EPHA5: variants seen among roughly 807,000 people sequenced by gnomAD.
EPHA5 encodes ephrin type-A receptor 5.
EPHA5 carries 60 observed loss-of-function variants against 105.0 expected under a neutral mutation model. That is an observed-to-expected ratio of 0.57 (90% CI 0.46 to 0.71). The LOEUF is 0.71. EPHA5 is among the 30% of genes least tolerant of loss of function. The probability of loss-of-function intolerance (pLI) is 0.00; values close to 1 mark genes in which losing one functional copy is unlikely to be tolerated. For missense variants in EPHA5, 1,218 were observed against 1,274.7 expected, an observed-to-expected ratio of 0.96 and a Z score of 0.68; for synonymous variants, 513 against 449.1, an observed-to-expected ratio of 1.14 and a Z score of -1.80.
intron 5 of EPHA5, among the ~76,000 whole-genome samples, chr4:65,454,117 C>T (rs927668789): frequency 1.4e-4 from 21 of 152,150 alleles, no homozygotes; most frequent in Admixed American, 6.5e-4. Context: ...CCCGTCTCTA[C>T]TAAAAATACA....
At chr4:65,398,906 A>G (rs764619029) in intron 8 of EPHA5, among the ~76,000 whole-genome samples, 21 of 152,150 alleles carry the variant, frequency 1.4e-4, no homozygotes, top group Non-Finnish European at 2.8e-4. Context: ...TGCTCATTCT[A>G]CAGTTGTCCA....
chr4:65,572,392 A>G (rs966658188), intron 3 of EPHA5, among the ~76,000 whole-genome samples: 8 of 152,164 alleles, frequency 5.3e-5, no homozygotes, highest in Admixed American at 4.6e-4. Context: ...CATGCTAGTG[A>G]TGATTATATG....
At chr4:65,498,598 G>A (rs541764089) in intron 3 of EPHA5, among the ~76,000 whole-genome samples, 9 of 151,678 alleles carry the variant, frequency 5.9e-5, no homozygotes, top group African/African-American at 2.2e-4. Context: ...ATGAGAATGG[G>A]GTAAAATCAA....
intron 8 of EPHA5, among the ~76,000 whole-genome samples, chr4:65,400,498 T>C (rs1453386030): frequency 6.6e-6 from 1 of 152,148 alleles, no homozygotes; most frequent in Non-Finnish European, 1.5e-5. Context: ...AATTCTAACA[T>C]GTTATACTTC....
rs1750307792 is a variant in EPHA5 at position 65,669,789 on chromosome 4, A to G, written c.-47T>C. ...GCCGCTGTCCCGAGCGGCTCAGTCC[A>G]CCGCTTCGGCCTCGCAGAGCGGCGA... On this transcript the variant is annotated 5_prime_UTR_variant, in exon 1 of 17. Coordinates refer to ENST00000613740, the MANE Select transcript of EPHA5 (RefSeq NM_001281766.3). 2.4e-6 allele frequency: 3 copies of G among 1,236,384 alleles called. No homozygotes were observed. The highest frequency in any genetic ancestry group is 4.2e-5 in the Admixed American group (1 of 23,734). 76.6% of individuals were successfully genotyped at this position (1,236,384 alleles called of 1,614,324 possible). A position where few individuals can be genotyped will look rare whatever the true frequency, so the allele number is the denominator to read the frequency against.
At chr4:65,493,066 C>A (rs193012033) in intron 4 of EPHA5, among the ~76,000 whole-genome samples, 5 of 151,756 alleles carry the variant, frequency 3.3e-5, no homozygotes, top group Admixed American at 3.3e-4. Context: ...AATGCATCAG[C>A]AGCTGAATCC....
chr4:65,430,734 T>C (rs1051207928), intron 5 of EPHA5, among the ~76,000 whole-genome samples: 3 of 152,092 alleles, frequency 2.0e-5, no homozygotes, highest in African/African-American at 7.2e-5. Context: ...TATTATTCCA[T>C]AGAATAATGA....
chr4:65,504,144 T>C (rs1042869612), intron 3 of EPHA5, among the ~76,000 whole-genome samples: 1 of 151,540 alleles, frequency 6.6e-6, no homozygotes, highest in Non-Finnish European at 1.5e-5. Context: ...TATAGAAGTG[T>C]TTTATCACAT....
At chr4:65,609,418 T>C (rs1744553656) in intron 2 of EPHA5, among the ~76,000 whole-genome samples, 1 of 152,160 alleles carries the variant, frequency 6.6e-6, no homozygotes, top group Admixed American at 6.5e-5. Context: ...GAAATAAAAC[T>C]GAATTTGATT....
intron 16 of EPHA5, chr4:65,330,616 T>C (rs1249166038): frequency 3.7e-6 from 2 of 535,174 alleles, no homozygotes; most frequent in Non-Finnish European, 4.9e-6. Flanking sequence ...GTAGAAGAAA[T>C]ACCTACAATA....
intron 11 of EPHA5, among the ~76,000 whole-genome samples, chr4:65,359,864 C>T (rs1281681564): frequency 6.6e-6 from 1 of 151,596 alleles, no homozygotes; most frequent in East Asian, 1.9e-4. Flanking sequence ...AGCTCTACGT[C>T]TTCAAAGTTC....
chr4:65,384,030 G>A (rs1719845716), intron 8 of EPHA5, among the ~76,000 whole-genome samples: 1 of 151,740 alleles, frequency 6.6e-6, no homozygotes, highest in Non-Finnish European at 1.5e-5. Flanking sequence ...TCAAAAATCG[G>A]TTTGTATACG....
chr4:65,482,830 C>T (rs7694306), intron 5 of EPHA5, among the ~76,000 whole-genome samples: 31,799 of 148,160 alleles, frequency 0.21, 4,113 homozygotes, highest in Middle Eastern at 0.35. Flanking sequence ...CATTGCCTAC[C>T]ATTTCTTTTC....
rs1239664191 is a variant in EPHA5 at position 65,641,768 on chromosome 4, A to G, written c.246+1595T>C. 2.6e-5 allele frequency among the ~76,000 whole-genome samples: 4 copies of G among 152,110 alleles called. No homozygotes were observed. The East Asian group carries it at 5.8e-4, about 22-fold the overall frequency. ...GTTGAAGGAAACATTACTCAACATA[A>G]TTACAAGAATTTTGAAAAGGATCCT... On this transcript the variant is annotated intron_variant, in intron 2 of 16. Transcript: ENST00000613740.
intron 2 of EPHA5, among the ~76,000 whole-genome samples, chr4:65,617,493 C>T (rs1745343672): frequency 6.6e-6 from 1 of 152,076 alleles, no homozygotes; most frequent in Non-Finnish European, 1.5e-5. Flanking sequence ...ACTTTTATTG[C>T]TTTACTGGTA....
At chr4:65,449,894 T>C (rs962262852) in intron 5 of EPHA5, among the ~76,000 whole-genome samples, 5 of 151,888 alleles carry the variant, frequency 3.3e-5, no homozygotes, top group African/African-American at 9.7e-5. Context: ...CCTCCTTTAG[T>C]ACTTTCAGAG....
intron 3 of EPHA5, among the ~76,000 whole-genome samples, chr4:65,517,692 A>G (rs1734239336): frequency 6.6e-6 from 1 of 151,814 alleles, no homozygotes; most frequent in Admixed American, 6.6e-5. Flanking sequence ...TTTAGCTAGC[A>G]TTTAGAAAAT....
chr4:65,330,036 T>C (rs565342648), intron 16 of EPHA5, among the ~76,000 whole-genome samples: 181 of 151,552 alleles, frequency 1.2e-3, no homozygotes, highest in African/African-American at 3.7e-3. Context: ...CTTGGAGTTA[T>C]GATCTGCTGG....
At chr4:65,454,084 C>A (rs1172181551) in intron 5 of EPHA5, among the ~76,000 whole-genome samples, 1 of 152,044 alleles carries the variant, frequency 6.6e-6, no homozygotes, top group Non-Finnish European at 1.5e-5. Context: ...AGTTCGAAAC[C>A]AGCCTGACCA....
Sources: gnomAD v4.1 joint callset for allele counts (sites outside exome capture counted in the v4.1 genomes callset) on GRCh38, gnomAD v4.1.1 for gene constraint, MANE v1.5 for transcripts, NCBI Gene and HGNC (gene_info 2026-07-23, HGNC 2026-07-21) for gene names.